Variants in ME3 observed in about 807,000 individuals in gnomAD.
ME3 encodes malic enzyme 3, also known as NADP-dependent malic enzyme, mitochondrial.
Under a neutral mutation model 68.9 loss-of-function variants are expected in ME3, and 48 were observed. That is an observed-to-expected ratio of 0.70 (90% CI 0.55 to 0.89). ME3 has a LOEUF of 0.89. Among genes scored for constraint, ME3 ranks in the 40% least tolerant of loss-of-function variants. The pLI, the probability that ME3 is intolerant of heterozygous loss-of-function variation, is 0.00. For synonymous variants in ME3, 320 were observed against 318.8 expected, an observed-to-expected ratio of 1.00 and a Z score of -0.04; for missense variants, 675 against 797.4, an observed-to-expected ratio of 0.85 and a Z score of 1.85.
chr11:86,495,567 A>G (rs750553808), intron 6 of ME3, among the ~76,000 whole-genome samples: 6 of 152,252 alleles, frequency 3.9e-5, no homozygotes, highest in Non-Finnish European at 5.9e-5. Context: ...GAAAGGAAGA[A>G]TAAAACAAAG....
intron 4 of ME3, among the ~76,000 whole-genome samples, chr11:86,544,029 A>T (rs564259482): frequency 6.7e-6 from 1 of 149,738 alleles, no homozygotes; most frequent in Admixed American, 6.6e-5. Context: ...CTACATGTAA[A>T]CTGAACAAAC....
At chr11:86,659,908 A>G (rs969924017) in intron 2 of ME3, among the ~76,000 whole-genome samples, 1 of 149,794 alleles carries the variant, frequency 6.7e-6, no homozygotes, top group South Asian at 2.1e-4. Flanking sequence ...GGCTGGATCT[A>G]TTTTTTTTTT....
intron 2 of ME3, among the ~76,000 whole-genome samples, chr11:86,607,705 T>A (rs531062847): frequency 1.1e-4 from 4 of 37,532 alleles, no homozygotes; most frequent in African/African-American, 4.4e-4. Flanking sequence ...GTGTTTTTTT[T>A]AAAAGAAATA....
At chr11:86,444,745 G>A (rs568909073) in intron 13 of ME3, among the ~76,000 whole-genome samples, 9 of 152,256 alleles carry the variant, frequency 5.9e-5, no homozygotes, top group African/African-American at 9.6e-5. Flanking sequence ...GAAAGGAGGT[G>A]GTGAATGCAC....
intron 5 of ME3, among the ~76,000 whole-genome samples, chr11:86,504,431 C>T (rs1053193568): frequency 1.5e-5 from 2 of 134,814 alleles, no homozygotes; most frequent in Non-Finnish European, 3.1e-5. Context: ...ACTACTCTCT[C>T]CCAGACTGGA....
At chr11:86,521,407 ACAAAACAAAACAAAACAAAAC>A (rs1565893779) in intron 4 of ME3, among the ~76,000 whole-genome samples, 1,707 of 107,414 alleles carry the variant, frequency 0.016, 43 homozygotes, top group African/African-American at 0.035. Flanking sequence ...AAACAAACAA[ACAAAACAAAACAAAACAAAAC>A]AAAAATAATA....
intron 7 of ME3, among the ~76,000 whole-genome samples, chr11:86,473,736 T>C (rs1205017452): frequency 6.6e-6 from 1 of 152,008 alleles, no homozygotes; most frequent in Non-Finnish European, 1.5e-5. Flanking sequence ...GGGTCATGTT[T>C]TGCGGAAGGA....
chr11:86,495,825 C>T (rs1952290227), intron 6 of ME3, among the ~76,000 whole-genome samples: 1 of 152,118 alleles, frequency 6.6e-6, no homozygotes, highest in African/African-American at 2.4e-5. Context: ...CTGGTCTAGT[C>T]TCTCAATATA....
chr11:86,592,072 A>C (rs914836064), intron 2 of ME3, among the ~76,000 whole-genome samples: 1 of 152,216 alleles, frequency 6.6e-6, no homozygotes, highest in Non-Finnish European at 1.5e-5. Flanking sequence ...TGTCTGGTCT[A>C]AGAGAAAAAA....
At chr11:86,560,281 G>A (rs148086612) in intron 2 of ME3, among the ~76,000 whole-genome samples, 1 of 152,170 alleles carries the variant, frequency 6.6e-6, no homozygotes, top group Admixed American at 6.5e-5. Flanking sequence ...CTGGTTGTTT[G>A]ATAAGTGTCT....
intron 2 of ME3, among the ~76,000 whole-genome samples, chr11:86,607,893 A>T (rs1275223471): frequency 6.6e-6 from 1 of 152,072 alleles, no homozygotes; most frequent in Non-Finnish European, 1.5e-5. Context: ...GACCTTCAGA[A>T]ACAGAATGGG....
chr11:86,576,694 TG>T (rs1009409966), intron 2 of ME3, among the ~76,000 whole-genome samples: 2 of 148,608 alleles, frequency 1.3e-5, no homozygotes, highest in Non-Finnish European at 3.0e-5. Flanking sequence ...CTCCTCAATG[TG>T]GGCCCAGCCT....
Position 86,595,302 on chromosome 11 carries a change from T to TAGAGAG in ME3, c.184-35480_184-35479insCTCTCT, listed in dbSNP as rs1268407167. ...ATATATATACATATACATATATATATATATAGAGAGAGAGAGAGAGAGAGA... is the reference window on the plus strand; with the variant it reads ...ATATATATACATATACATATATATATAGAGAGATATAGAGAGAGAGAGAGAGAGAGA... On this transcript the variant is annotated intron_variant, in intron 2 of 14. Coordinates refer to ENST00000543262, the Ensembl canonical transcript of ME3. Among the ~76,000 whole-genome samples, 7 of 63,182 alleles carry TAGAGAG rather than the reference T, an allele frequency of 1.1e-4. No homozygotes were observed. In the East Asian group the frequency reaches 1.5e-3, roughly 13 times the overall value. 41.4% of individuals were successfully genotyped at this position (63,182 alleles called of 152,430 possible).
intron 2 of ME3, among the ~76,000 whole-genome samples, chr11:86,581,015 GA>G (rs1031484329): frequency 2.0e-5 from 3 of 152,118 alleles, no homozygotes; most frequent in Non-Finnish European, 4.4e-5. Context: ...CAAAAGGCAG[GA>G]ATGACAAAGT....
chr11:86,465,954 A>G (rs573899247), intron 7 of ME3, among the ~76,000 whole-genome samples: 1 of 152,350 alleles, frequency 6.6e-6, no homozygotes, highest in South Asian at 2.1e-4. Flanking sequence ...CTGACAGCCC[A>G]GAGAACCCTG....
At chr11:86,534,081 G>GTGTATATATATATATATATATATATA (rs1361825219) in intron 4 of ME3, among the ~76,000 whole-genome samples, 2 of 127,518 alleles carry the variant, frequency 1.6e-5, no homozygotes, top group African/African-American at 6.4e-5. Context: ...GTGTGTGTGT[G>GTGTATATATATATATATATATATATA]TATATATATA....
At chr11:86,545,921 AG>A (rs1375151984) in intron 4 of ME3, among the ~76,000 whole-genome samples, 1 of 152,214 alleles carries the variant, frequency 6.6e-6, no homozygotes, top group Admixed American at 6.5e-5. Flanking sequence ...TTATACTACA[AG>A]GCTTCAGTAA....
chr11:86,527,807 A>G (rs1028086356), intron 4 of ME3, among the ~76,000 whole-genome samples: 2 of 152,250 alleles, frequency 1.3e-5, no homozygotes, highest in African/African-American at 4.8e-5. Flanking sequence ...GCAAATGCTG[A>G]GAGATTTTGT....
chr11:86,593,972 T>G (rs1959176336), intron 2 of ME3, among the ~76,000 whole-genome samples: 1 of 146,450 alleles, frequency 6.8e-6, no homozygotes, highest in African/African-American at 2.5e-5. Flanking sequence ...GAACTATAAG[T>G]GTACTTAAGA....
Sources: gnomAD v4.1 joint callset for allele counts (sites outside exome capture counted in the v4.1 genomes callset) on GRCh38, gnomAD v4.1.1 for gene constraint, MANE v1.5 for transcripts, NCBI Gene and HGNC (gene_info 2026-07-23, HGNC 2026-07-21) for gene names.